The following CCSER1 variants were observed in gnomAD, a reference collection of about 807,000 sequenced individuals.
CCSER1 encodes the protein serine-rich coiled-coil domain-containing protein 1.
CCSER1 carries 41 observed loss-of-function variants against 82.0 expected under a neutral mutation model. The ratio of observed to expected loss-of-function variants is 0.50; its 90% CI spans 0.39 to 0.65. The LOEUF is 0.65. CCSER1 is among the 30% of genes least tolerant of loss of function. The probability of loss-of-function intolerance (pLI) is 0.00; values close to 1 mark genes in which losing one functional copy is unlikely to be tolerated. For missense variants in CCSER1, 1,119 were observed against 1,064.2 expected (o/e 1.05, Z -0.72); for synonymous variants, 414 against 383.9 (o/e 1.08, Z -0.92).
chr4:91,092,370 AC>A (rs1251135081), intron 10 of CCSER1, among the ~76,000 whole-genome samples: 3 of 152,228 alleles, frequency 2.0e-5, no homozygotes, highest in Admixed American at 2.0e-4. Context: ...ATAAGCCTCT[AC>A]CCACCCAGAG....
chr4:91,493,237 A>C (rs551236748), intron 10 of CCSER1, among the ~76,000 whole-genome samples: 59 of 150,660 alleles, frequency 3.9e-4, no homozygotes, highest in South Asian at 3.5e-3. Context: ...TTCTCTCTCT[A>C]TATATATTAA....
chr4:91,481,464 C>T (rs1256154795), intron 10 of CCSER1, among the ~76,000 whole-genome samples: 2 of 152,086 alleles, frequency 1.3e-5, no homozygotes, highest in Non-Finnish European at 1.5e-5. Context: ...AGGACCTACC[C>T]TAATGGCCTG....
intron 5 of CCSER1, among the ~76,000 whole-genome samples, chr4:90,475,147 C>T (rs1338562840): frequency 2.0e-5 from 3 of 152,100 alleles, no homozygotes; most frequent in Non-Finnish European, 4.4e-5. Flanking sequence ...AAGTAAATTC[C>T]ACTTAGGTTC....
intron 3 of CCSER1, among the ~76,000 whole-genome samples, chr4:90,316,273 C>T (rs1246794523): frequency 1.3e-5 from 2 of 152,144 alleles, no homozygotes; most frequent in Admixed American, 1.3e-4. Flanking sequence ...GGATTTGGAT[C>T]CTTTCTAAGT....
At chr4:90,314,474 C>G (rs1302428575) in intron 3 of CCSER1, among the ~76,000 whole-genome samples, 3 of 152,136 alleles carry the variant, frequency 2.0e-5, no homozygotes, top group Admixed American at 2.0e-4. Flanking sequence ...ATTCAACTTG[C>G]TCAAAGTTGT....
chr4:90,857,699 C>A (rs1158762261), intron 8 of CCSER1, among the ~76,000 whole-genome samples: 2 of 151,966 alleles, frequency 1.3e-5, no homozygotes, highest in Admixed American at 6.6e-5. Context: ...ATATATTTTT[C>A]TTTATATTTC....
At chr4:91,030,057 G>A (rs1740837651) in intron 9 of CCSER1, among the ~76,000 whole-genome samples, 1 of 152,098 alleles carries the variant, frequency 6.6e-6, no homozygotes, top group East Asian at 1.9e-4. Context: ...TATAATAATT[G>A]TTATTATGGT....
At chr4:90,170,719 G>A (rs957849448) in intron 1 of CCSER1, among the ~76,000 whole-genome samples, 6 of 151,788 alleles carry the variant, frequency 4.0e-5, no homozygotes, top group African/African-American at 1.5e-4. Flanking sequence ...TTTTATGGCT[G>A]AATAGTATTC....
At chr4:91,509,139 G>A (rs953312293) in intron 10 of CCSER1, among the ~76,000 whole-genome samples, 2 of 151,194 alleles carry the variant, frequency 1.3e-5, no homozygotes, top group African/African-American at 4.9e-5. Context: ...CTTGCTTTGG[G>A]TTTAGTTTTA....
chr4:91,182,945 G>T (rs1056507546), intron 10 of CCSER1, among the ~76,000 whole-genome samples: 2 of 152,208 alleles, frequency 1.3e-5, no homozygotes, highest in Admixed American at 1.3e-4. Context: ...TTCTTTCCAG[G>T]TAATGCTGTA....
chr4:91,259,776 T>G (rs1740969947), intron 10 of CCSER1, among the ~76,000 whole-genome samples: 1 of 152,204 alleles, frequency 6.6e-6, no homozygotes, highest in Non-Finnish European at 1.5e-5. Context: ...TTAACTCATC[T>G]TTTTTATGGC....
chr4:90,293,162 CAGTTTT>C (rs1731239735), intron 1 of CCSER1, among the ~76,000 whole-genome samples: 1 of 151,530 alleles, frequency 6.6e-6, no homozygotes, highest in Non-Finnish European at 1.5e-5. Flanking sequence ...CAAAGCAGTA[CAGTTTT>C]ATTTTAGACA....
intron 5 of CCSER1, among the ~76,000 whole-genome samples, chr4:90,474,387 G>C (rs895032263): frequency 6.6e-6 from 1 of 152,162 alleles, no homozygotes; most frequent in African/African-American, 2.4e-5. Context: ...GGGAGGAAAA[G>C]GAAGCCAAAT....
intron 8 of CCSER1, among the ~76,000 whole-genome samples, chr4:90,868,674 T>C (rs7657118): frequency 0.035 from 5,342 of 152,162 alleles, 282 homozygotes; most frequent in African/African-American, 0.12. Context: ...AAAATGGAGA[T>C]ATACCTTTAA....
intron 5 of CCSER1, among the ~76,000 whole-genome samples, chr4:90,548,945 T>C (rs1777125631): frequency 6.6e-6 from 1 of 152,078 alleles, no homozygotes; most frequent in Non-Finnish European, 1.5e-5. Context: ...CAAGATTGAG[T>C]TGGTTTGTTC....
At chr4:90,944,604 A>G (rs1732011685) in intron 9 of CCSER1, among the ~76,000 whole-genome samples, 1 of 152,170 alleles carries the variant, frequency 6.6e-6, no homozygotes, top group African/African-American at 2.4e-5. Flanking sequence ...TTCATTCATG[A>G]AATATCTCTA....
intron 6 of CCSER1, among the ~76,000 whole-genome samples, chr4:90,633,537 A>G (rs565711053): frequency 1.3e-5 from 2 of 152,088 alleles, no homozygotes; most frequent in Admixed American, 1.3e-4. Flanking sequence ...GATTAGAAGA[A>G]AGGCCTAGAG....
intron 8 of CCSER1, among the ~76,000 whole-genome samples, chr4:90,869,990 T>A (rs1766242683): frequency 6.6e-6 from 1 of 151,980 alleles, no homozygotes; most frequent in Non-Finnish European, 1.5e-5. Context: ...CTAGATTTCT[T>A]TTTCAGATTG....
intron 8 of CCSER1, among the ~76,000 whole-genome samples, chr4:90,900,144 A>G (rs1436075324): frequency 2.4e-5 from 3 of 125,098 alleles, no homozygotes; most frequent in Non-Finnish European, 5.3e-5. Flanking sequence ...CAATTTTGGA[A>G]CTCATTATTG....
Sources: allele counts gnomAD v4.1 joint callset (sites outside exome capture counted in the v4.1 genomes callset), GRCh38; gene constraint gnomAD v4.1.1; transcripts MANE v1.5; gene names NCBI Gene and HGNC (gene_info 2026-07-23, HGNC 2026-07-21).